Variants in CDC45 observed in about 807,000 individuals in gnomAD.
CDC45 encodes cell division control protein 45 homolog.
In CDC45, 54 loss-of-function variants were observed where a neutral mutation model predicts 77.8. The ratio of observed to expected loss-of-function variants is 0.69; its 90% confidence interval spans 0.56 to 0.87. The LOEUF (loss-of-function observed/expected upper bound fraction) is 0.87, where lower values mean the gene tolerates loss of function less well. CDC45 is among the 40% of genes least tolerant of loss of function. The probability of loss-of-function intolerance (pLI) is 0.00; values close to 1 mark genes in which losing one functional copy is unlikely to be tolerated. For missense variants in CDC45, 649 were observed against 721.6 expected (o/e 0.90, Z 1.15); for synonymous variants, 260 against 272.1 (o/e 0.96, Z 0.44).
In CDC45 at chr22:19,516,805, G is replaced by T. The variant is rs199807077; in HGVS notation, c.1560-12G>T. On this transcript the variant is annotated splice_polypyrimidine_tract_variant and intron_variant, in intron 16 of 18. Transcript: ENST00000263201. ...GGCCGCCTGGCCCCCGACATGTCTT[G>T]TGTGTCAGCAGCTTTTTTGGGAGGG... 325 of 1,613,808 alleles carry T rather than the reference G, an allele frequency of 2.0e-4. No homozygotes were observed. The African/African-American group carries it at 3.8e-3, about 19-fold the overall frequency.
chr22:19,498,165 ACT>A (rs2090278025), intron 8 of CDC45, among the ~76,000 whole-genome samples: 1 of 151,824 alleles, frequency 6.6e-6, no homozygotes, highest in Admixed American at 6.6e-5. Flanking sequence ...CAAGAATGAA[ACT>A]CTGTCTCAAA....
rs990604520 is a variant in CDC45, at chr22:19,493,898, C to T, written c.487-429C>T. 9.2e-5 allele frequency among the ~76,000 whole-genome samples: 14 copies of T among 152,294 alleles called. No homozygotes were observed. The East Asian group carries it at 1.2e-3, about 13-fold the overall frequency. Reference sequence around the variant, plus strand: ...CCAGGCCTTTGTTGTGAAGATTAAACGAGGTTGTGCCTGTAACATTAGAAT... The same window carrying T: ...CCAGGCCTTTGTTGTGAAGATTAAATGAGGTTGTGCCTGTAACATTAGAAT... On this transcript the variant is annotated intron_variant, in intron 5 of 18. Transcript: ENST00000263201.
chr22:19,498,704 AACAGCTCAGC>A (rs1286784946), intron 8 of CDC45, among the ~76,000 whole-genome samples: 4 of 152,204 alleles, frequency 2.6e-5, no homozygotes, highest in African/African-American at 9.6e-5. Flanking sequence ...CAGGGTCACC[AACAGCTCAGC>A]ACAGGCCTCT....
intron 9 of CDC45, 31 bp from the exon 10 acceptor site, chr22:19,505,331 C>A: frequency 6.2e-7 from 1 of 1,613,908 alleles, no homozygotes; most frequent in Non-Finnish European, 8.5e-7. Context: ...TGGAGGGAAC[C>A]AGCCGAGGCT....
chr22:19,501,819 A>G (rs1932911799), intron 9 of CDC45, among the ~76,000 whole-genome samples: 1 of 152,186 alleles, frequency 6.6e-6, no homozygotes, highest in Non-Finnish European at 1.5e-5. Context: ...GGATCAAGCA[A>G]TCCTACCACC....
At chr22:19,500,035 C>T (rs936307837) in intron 9 of CDC45, among the ~76,000 whole-genome samples, 4 of 152,346 alleles carry the variant, frequency 2.6e-5, no homozygotes, top group Non-Finnish European at 4.4e-5. Flanking sequence ...CCTGGAGCTA[C>T]GGCCTGGACA....
chr22:19,508,024 A>C (rs1933299647), intron 12 of CDC45, among the ~76,000 whole-genome samples, 160 bp downstream of exon 12: 1 of 152,206 alleles, frequency 6.6e-6, no homozygotes, highest in African/African-American at 2.4e-5. Flanking sequence ...AATGAGTGTT[A>C]TCTGAGTCTG....
At position 19,512,740 on chromosome 22, in the gene CDC45, T is replaced by A. The variant is rs535063979; in HGVS notation, c.1218-2009T>A. Reference sequence around the variant, plus strand: ...TTTATGTCTTCTTTCATCACTAGTATCTCGTCTCCCTACTTTGTAAGAAAA... The same window carrying A: ...TTTATGTCTTCTTTCATCACTAGTAACTCGTCTCCCTACTTTGTAAGAAAA... On this transcript the variant is annotated intron_variant, in intron 13 of 18. Coordinates refer to ENST00000263201, the MANE Select transcript of CDC45 (RefSeq NM_003504.5). Among the ~76,000 whole-genome samples, 7 of 152,348 alleles carry A rather than the reference T, an allele frequency of 4.6e-5. No homozygotes were observed. In the South Asian group the frequency reaches 1.5e-3, roughly 32 times the overall value.
At chr22:19,481,158 G>C (rs1601916030) in intron 3 of CDC45, 113 bp downstream of exon 3, 2 of 656,788 alleles carry the variant, frequency 3.0e-6, no homozygotes, top group Non-Finnish European at 2.6e-6. Flanking sequence ...AGCTACATTA[G>C]GCAATATGGA....
intron 11 of CDC45, 41 bp from the exon 12 acceptor site, chr22:19,507,725 G>A (rs1343140240): frequency 1.3e-6 from 2 of 1,485,878 alleles, no homozygotes; most frequent in Non-Finnish European, 1.9e-6. Context: ...CTGTCGGTGT[G>A]TGGTGACCTC....
intron 13 of CDC45, among the ~76,000 whole-genome samples, chr22:19,512,397 G>T (rs1369560407): frequency 2.0e-5 from 3 of 152,132 alleles, no homozygotes; most frequent in African/African-American, 7.2e-5. Flanking sequence ...ATACCTGTCT[G>T]GCTGTTCATG....
chr22:19,519,463 C>T (rs954417148), intron 18 of CDC45, among the ~76,000 whole-genome samples: 8 of 152,242 alleles, frequency 5.3e-5, no homozygotes, highest in African/African-American at 1.7e-4. Flanking sequence ...TCCCGGGACA[C>T]CTCCCACTGC....
At chr22:19,503,099 C>T (rs1194510040) in intron 9 of CDC45, among the ~76,000 whole-genome samples, 1 of 152,084 alleles carries the variant, frequency 6.6e-6, no homozygotes, top group East Asian at 1.9e-4. Flanking sequence ...CCCGGGAGGT[C>T]AAAGCTTCAG....
In CDC45 at chr22:19,508,672, G is replaced by C; in HGVS notation, c.1198G>C (p.Ala400Pro). ...CTCAGGGACAGATCACTTCATCCAG[G>C]CTCTGGACAGCCTCTCCAGGTAGCA... ...DGSGTDHFIQ[A>P]LDSLSRSNLD... is the part of the protein sequence containing the mutation. The change falls in exon 13 of 19, where the codon GCT becomes CCT. Residue 400 changes from alanine to proline, a missense_variant. Physicochemically the swap from Ala to Pro is conservative, Grantham distance 27. Transcript: ENST00000263201. The C allele has an allele frequency of 6.2e-7, 1 of 1,614,094 alleles. No individual in the cohort carries two copies. Among genetic ancestry groups the C allele is most frequent in the Non-Finnish European group, 8.5e-7 (1 of 1,180,004 alleles).
rs1486230807 is a variant in CDC45 at position 19,482,713 on chromosome 22, CTG to C, written c.231_232del (p.Cys77TrpfsTer3). On this transcript the variant is annotated frameshift_variant, in exon 4 of 19. Transcript: ENST00000263201. LOFTEE classifies it high-confidence loss of function. Reference sequence around the variant, plus strand: ...AGTTTCATTATTTTATTCTCATAAACTGTGGAGCTAATGTAGACCTATTGGAT... The same window carrying C: ...AGTTTCATTATTTTATTCTCATAAACTGGAGCTAATGTAGACCTATTGGAT... ...EQFHYFILIN[C>X]GANVDLLDIL... The C allele has an allele frequency of 1.2e-6, 2 of 1,612,836 alleles. No individual in the cohort carries two copies. Among genetic ancestry groups the C allele is most frequent in the Non-Finnish European group, 1.7e-6 (2 of 1,178,962 alleles).
At chr22:19,513,487 A>G (rs765938708) in intron 13 of CDC45, among the ~76,000 whole-genome samples, 4 of 151,950 alleles carry the variant, frequency 2.6e-5, no homozygotes, top group Non-Finnish European at 5.9e-5. Context: ...TTCTCCTCCA[A>G]ACTCCTTCCA....
intron 9 of CDC45, among the ~76,000 whole-genome samples, chr22:19,500,045 A>G (rs2090313419): frequency 6.6e-6 from 1 of 152,214 alleles, no homozygotes; most frequent in Non-Finnish European, 1.5e-5. Context: ...CGGCCTGGAC[A>G]GGTCACCTTG....
chr22:19,483,780 T>C (rs2090021917), intron 4 of CDC45, 82 bp from the exon 5 acceptor site: 12 of 1,318,170 alleles, frequency 9.1e-6, no homozygotes, highest in South Asian at 1.3e-5. Context: ...TATTAGGAAA[T>C]GATAAGATTC....
In CDC45 at chr22:19,514,992, A is replaced by G; in HGVS notation, c.1384A>G (p.Arg462Gly). The change falls in exon 15 of 19, where the codon AGG (arginine) becomes GGG (glycine). Residue 462 changes from arginine to glycine, a missense_variant. Physicochemically the swap from Arg to Gly is moderately radical, Grantham distance 125. Transcript: ENST00000263201. ...CACTCCAGATGTCATGCTGTTCTCT[A>G]GGCCGGCATCCCTAAGCCTGCTCAG... ...EGTPDVMLFS[R>G]PASLSLLSKH... The G allele has an allele frequency of 6.2e-7, 1 of 1,614,138 alleles. No individual in the cohort carries two copies. Among genetic ancestry groups the G allele is most frequent in the Non-Finnish European group, 8.5e-7 (1 of 1,180,018 alleles).
Sources: allele counts gnomAD v4.1 joint callset (sites outside exome capture counted in the v4.1 genomes callset), GRCh38; gene constraint gnomAD v4.1.1; transcripts MANE v1.5; gene names NCBI Gene and HGNC (gene_info 2026-07-23, HGNC 2026-07-21).